FHL5: variants seen among roughly 807,000 people sequenced by gnomAD.
FHL5 encodes the protein four and a half LIM domains 5.
Under a neutral mutation model 32.0 loss-of-function variants are expected in FHL5, and 33 were observed. The observed-to-expected ratio is 1.03, with a 90% CI of 0.78 to 1.38. The LOEUF (loss-of-function observed/expected upper bound fraction) is 1.38, where lower values mean the gene tolerates loss of function less well. Ranked by LOEUF, FHL5 falls within the 40% of genes most tolerant of loss-of-function variation. FHL5 has a pLI of 0.00. For synonymous variants in FHL5, 114 were observed against 113.6 expected, an observed-to-expected ratio of 1.00 and a Z score of -0.02; for missense variants, 336 against 343.9, an observed-to-expected ratio of 0.98 and a Z score of 0.18.
chr6:96,605,455 C>T (rs979389513), intron 3 of FHL5, among the ~76,000 whole-genome samples: 1 of 152,220 alleles, frequency 6.6e-6, no homozygotes, highest in African/African-American at 2.4e-5. Context: ...AATTCATTCT[C>T]TGCCACTCTT....
At chr6:96,602,268 G>T (rs747839318) in intron 1 of FHL5, among the ~76,000 whole-genome samples, 4 of 151,858 alleles carry the variant, frequency 2.6e-5, no homozygotes, top group African/African-American at 9.7e-5. Context: ...TATGTGGGGG[G>T]AGAATTAGAA....
At chr6:96,603,175 GT>G (rs1771192954) in intron 1 of FHL5, among the ~76,000 whole-genome samples, 1 of 152,148 alleles carries the variant, frequency 6.6e-6, no homozygotes, top group Non-Finnish European at 1.5e-5. Context: ...AAAAAAGACT[GT>G]TATTTCCATC....
At chr6:96,595,334 T>C (rs1771013686) in intron 1 of FHL5, among the ~76,000 whole-genome samples, 1 of 151,906 alleles carries the variant, frequency 6.6e-6, no homozygotes, top group Admixed American at 6.6e-5. Flanking sequence ...TCTGCATATC[T>C]AATTGTTGGT....
chr6:96,615,963 T>C lies in FHL5; in HGVS notation c.*191T>C, dbSNP rs1475273365. ...AAGCACAGTAGAACAGAAATGAATA[T>C]ATGCTAAATCACAAAGACAACTCTC... On this transcript the variant is annotated 3_prime_UTR_variant, in exon 6 of 6. Transcript: ENST00000450218. 5 of 430,024 alleles carry C rather than the reference T, an allele frequency of 1.2e-5. No homozygotes were observed. The East Asian group carries it at 1.9e-4, about 16-fold the overall frequency. 26.6% of individuals were successfully genotyped at this position (430,024 alleles called of 1,614,324 possible). A position where few individuals can be genotyped will look rare whatever the true frequency, so the allele number is the denominator to read the frequency against.
At chr6:96,574,706 A>C (rs896397274) in intron 1 of FHL5, among the ~76,000 whole-genome samples, 1 of 152,172 alleles carries the variant, frequency 6.6e-6, no homozygotes, top group East Asian at 1.9e-4. Context: ...AGAGGTAAAT[A>C]GCTTTTATTA....
At chr6:96,591,251 T>G (rs1770909531) in intron 1 of FHL5, among the ~76,000 whole-genome samples, 1 of 152,306 alleles carries the variant, frequency 6.6e-6, no homozygotes, top group African/African-American at 2.4e-5. Flanking sequence ...TCAACTTATC[T>G]AATAGTTGTC....
intron 1 of FHL5, among the ~76,000 whole-genome samples, chr6:96,588,234 G>T (rs549859909): frequency 5.2e-4 from 79 of 151,690 alleles, no homozygotes; most frequent in African/African-American, 1.9e-3. Context: ...TTTTTGAGAC[G>T]AAGTCTCACT....
At chr6:96,578,457 G>T (rs1331846653) in intron 1 of FHL5, among the ~76,000 whole-genome samples, 4 of 152,088 alleles carry the variant, frequency 2.6e-5, no homozygotes, top group African/African-American at 9.7e-5. Flanking sequence ...TCTAATTTTG[G>T]CTGATCTTCT....
chr6:96,573,365 C>A (rs1044520586), intron 1 of FHL5, among the ~76,000 whole-genome samples: 7 of 151,882 alleles, frequency 4.6e-5, no homozygotes, highest in African/African-American at 1.5e-4. Context: ...TCCTTAGATT[C>A]ATGGGTATAA....
At chr6:96,566,156 C>A (rs1049626483) in intron 1 of FHL5, among the ~76,000 whole-genome samples, 5 of 151,910 alleles carry the variant, frequency 3.3e-5, no homozygotes, top group African/African-American at 1.2e-4. Context: ...TCTTTCTTCC[C>A]CCTACCCTTT....
chr6:96,569,839 T>A (rs1335878599), intron 1 of FHL5, among the ~76,000 whole-genome samples: 3 of 140,270 alleles, frequency 2.1e-5, no homozygotes, highest in African/African-American at 5.1e-5. Flanking sequence ...TTTTTTTTTT[T>A]AATTCATTCA....
rs1771511909 is a variant in FHL5 at position 96,615,965 on chromosome 6, T to C, written c.*193T>C. 2.4e-6 allele frequency: 1 copy of C among 421,426 alleles called. No individual in the cohort carries two copies. Among genetic ancestry groups the C allele is most frequent in the Non-Finnish European group, 4.2e-6 (1 of 239,958 alleles). The allele number at this position is 421,426 out of a possible 1,614,324, so 26.1% of individuals were successfully genotyped here. ...GCACAGTAGAACAGAAATGAATATA[T>C]GCTAAATCACAAAGACAACTCTCCT... On this transcript the variant is annotated 3_prime_UTR_variant, in exon 6 of 6. Transcript: ENST00000450218.
chr6:96,594,230 TATATATATATATATATATATATATA>T (rs1770982976), intron 1 of FHL5, among the ~76,000 whole-genome samples: 1 of 9,362 alleles, frequency 1.1e-4, no homozygotes, highest in Non-Finnish European at 2.9e-4. Context: ...TTAGAATTTA[TATATATATATATATATATATATATA>T]TATATATATA....
intron 2 of FHL5, 86 bp downstream of exon 2, chr6:96,603,858 T>G: frequency 3.0e-6 from 3 of 1,014,684 alleles, no homozygotes; most frequent in Non-Finnish European, 4.4e-6. Flanking sequence ...AGTGTTGACT[T>G]TCAACACTAT....
intron 1 of FHL5, among the ~76,000 whole-genome samples, chr6:96,596,385 C>G (rs1490652681): frequency 1.3e-5 from 2 of 152,144 alleles, no homozygotes; most frequent in African/African-American, 4.8e-5. Context: ...TCTTGTCACT[C>G]ACATTTTAAC....
At chr6:96,591,879 T>C (rs1187639074) in intron 1 of FHL5, among the ~76,000 whole-genome samples, 1 of 152,112 alleles carries the variant, frequency 6.6e-6, no homozygotes, top group Non-Finnish European at 1.5e-5. Flanking sequence ...GGTTCCGTGA[T>C]GTCCCCTGAG....
intron 1 of FHL5, among the ~76,000 whole-genome samples, chr6:96,597,351 G>A (rs905206917): frequency 1.2e-4 from 16 of 138,924 alleles, no homozygotes; most frequent in African/African-American, 4.6e-4. Flanking sequence ...TTGATTCTCT[G>A]TATTCCCCTC....
At position 96,604,999 on chromosome 6, in the gene FHL5, G is replaced by A. The variant is rs1771242589; in HGVS notation, c.334+75G>A. ...CATTAAGTCCCAGCACATGAGGAGT[G>A]CAGCAGCTCCCAAAACCCTGGTTTT... On this transcript the variant is annotated intron_variant, in intron 3 of 5. Coordinates refer to ENST00000450218, the MANE Select transcript of FHL5 (RefSeq NM_001322466.2). The A allele has an allele frequency of 7.9e-6, 9 of 1,144,386 alleles. No homozygotes were observed. In the East Asian group the frequency reaches 2.3e-4, roughly 29 times the overall value. The allele number at this position is 1,144,386 out of a possible 1,614,324, so 70.9% of individuals were successfully genotyped here.
rs1770286650 is a variant in FHL5 at position 96,563,308 on chromosome 6, C to A, written c.-60C>A. 1 of 152,160 alleles carries A rather than the reference C, an allele frequency of 6.6e-6. No homozygotes were observed. Among genetic ancestry groups the A allele is most frequent in the African/African-American group, 2.4e-5 (1 of 41,430 alleles). The allele number at this position is 152,160 out of a possible 1,614,324, so 9.4% of individuals were successfully genotyped here. ...GGAGGAAAAATAATCAACATATATT[C>A]TCCTTTCGTACTGTTTAAATCACAG... On this transcript the variant is annotated 5_prime_UTR_variant, in exon 1 of 6. Transcript: ENST00000450218.
Sources: gnomAD v4.1 joint callset for allele counts (sites outside exome capture counted in the v4.1 genomes callset) on GRCh38, gnomAD v4.1.1 for gene constraint, MANE v1.5 for transcripts, NCBI Gene and HGNC (gene_info 2026-07-23, HGNC 2026-07-21) for gene names.